The following NSD1 variants were observed in gnomAD, a reference collection of about 807,000 sequenced individuals.
The protein encoded by NSD1 is nuclear receptor binding SET domain protein 1, also known as histone-lysine N-methyltransferase, H3 lysine-36 specific.
In NSD1, 26 loss-of-function variants were observed where a neutral mutation model predicts 242.7. The ratio of observed to expected loss-of-function variants is 0.11; its 90% CI spans 0.08 to 0.15. The LOEUF is 0.15. Among genes scored for constraint, NSD1 ranks in the 10% least tolerant of loss-of-function variants. NSD1 has a pLI of 1.00. For missense variants in NSD1, 2,495 were observed against 3,272.8 expected (o/e 0.76, Z 5.80); for synonymous variants, 1,106 against 1,178.1 (o/e 0.94, Z 1.25).
At chr5:177,163,205 C>T (rs946324515) in intron 2 of NSD1, among the ~76,000 whole-genome samples, 3 of 148,876 alleles carry the variant, frequency 2.0e-5, no homozygotes, top group Non-Finnish European at 4.4e-5. Flanking sequence ...TGCAGTGGCA[C>T]GATCTCGGCT....
In NSD1 at chr5:177,139,030, A is replaced by G. The variant is rs1370263934; in HGVS notation, c.927+3000A>G. 2.1e-4 allele frequency among the ~76,000 whole-genome samples: 32 copies of G among 150,390 alleles called. 1 individual carries two copies. Among genetic ancestry groups the G allele is most frequent in the African/African-American group, 7.5e-4 (31 of 41,246 alleles). ...TTTGGGAGGCTGAGGCGGGTGGATCACCTGAGATGAGGATTTCAAGACCAG... is the reference window on the plus strand; with the variant it reads ...TTTGGGAGGCTGAGGCGGGTGGATCGCCTGAGATGAGGATTTCAAGACCAG... On this transcript the variant is annotated intron_variant, in intron 2 of 22. Transcript: ENST00000439151.
At position 177,136,158 on chromosome 5, in the gene NSD1, A is replaced by C. The variant is rs550741685; in HGVS notation, c.927+128A>C. ...CACAGCTGAAATCCTATTGCTAATC[A>C]TAAGCTTTGGGCAAAATTTTACTTT... On this transcript the variant is annotated intron_variant, in intron 2 of 22. Coordinates refer to ENST00000439151, the MANE Select transcript of NSD1 (RefSeq NM_022455.5). 4.9e-6 allele frequency: 4 copies of C among 824,164 alleles called. No individual in the cohort carries two copies. In the African/African-American group the frequency reaches 6.8e-5, roughly 14 times the overall value. The allele number at this position is 824,164 out of a possible 1,614,324, so 51.1% of individuals were successfully genotyped here.
intron 17 of NSD1, among the ~76,000 whole-genome samples, chr5:177,278,336 C>T (rs1758568720): frequency 6.6e-6 from 1 of 152,296 alleles, no homozygotes; most frequent in Non-Finnish European, 1.5e-5. Flanking sequence ...TCTTGAACTT[C>T]TGGGCTCAAA....
chr5:177,147,255 GCCACCATGCC>G, intron 2 of NSD1, among the ~76,000 whole-genome samples: 1 of 152,098 alleles, frequency 6.6e-6, no homozygotes, highest in South Asian at 2.1e-4. Context: ...ACAGGCACTT[GCCACCATGCC>G]CCACTAATTT....
rs1430663492 is a variant in NSD1 at position 177,298,853 on chromosome 5, G to A, written c.*3394G>A. On this transcript the variant is annotated 3_prime_UTR_variant, in exon 23 of 23. Coordinates refer to ENST00000439151, the MANE Select transcript of NSD1 (RefSeq NM_022455.5). Reference sequence around the variant, plus strand: ...GAAACTTGGATAGGTTTTACCCTTAGTCCCTATAAGGTGGATTTTACTAAG... The same window carrying A: ...GAAACTTGGATAGGTTTTACCCTTAATCCCTATAAGGTGGATTTTACTAAG... The A allele has an allele frequency of 4.3e-6, 1 of 233,084 alleles. No individual in the cohort carries two copies. Among genetic ancestry groups the A allele is most frequent in the Non-Finnish European group, 8.5e-6 (1 of 118,002 alleles). The allele number at this position is 233,084 out of a possible 1,614,324, so 14.4% of individuals were successfully genotyped here.
chr5:177,252,545 T>TTTG (rs1756070957), intron 12 of NSD1, among the ~76,000 whole-genome samples: 2 of 122,428 alleles, frequency 1.6e-5, no homozygotes, highest in African/African-American at 6.7e-5. Flanking sequence ...TGTTCTTTTT[T>TTTG]TTTTTTTTTT....
chr5:177,184,458 A>G (rs1410234263), intron 2 of NSD1, among the ~76,000 whole-genome samples: 2 of 151,706 alleles, frequency 1.3e-5, no homozygotes, highest in African/African-American at 4.8e-5. Context: ...TTTTAGGAAA[A>G]CTTTAATTTG....
chr5:177,279,643 C>T lies in NSD1; in HGVS notation c.5623-922C>T, dbSNP rs1362091179. On this transcript the variant is annotated intron_variant, in intron 17 of 22. Coordinates refer to ENST00000439151, the MANE Select transcript of NSD1 (RefSeq NM_022455.5). ...TTTTTTTTTTTTTTTTTTTTTGAGA[C>T]GGAGTCTCGCCCTGTCACCCAGGCT... 8.6e-5 allele frequency among the ~76,000 whole-genome samples: 6 copies of T among 69,924 alleles called. No individual in the cohort carries two copies. In the Admixed American group the frequency reaches 1.2e-3, roughly 14 times the overall value. The allele number at this position is 69,924 out of a possible 152,430, so 45.9% of individuals were successfully genotyped here.
intron 5 of NSD1, among the ~76,000 whole-genome samples, chr5:177,226,609 C>T (rs1764651726): frequency 6.6e-6 from 1 of 152,152 alleles, no homozygotes; most frequent in African/African-American, 2.4e-5. Flanking sequence ...CGTGTACTAC[C>T]ATGCCCAGCT....
In NSD1 at chr5:177,235,879, A is replaced by G. The variant is rs769168828; in HGVS notation, c.3855A>G (p.Thr1285=). The change falls in exon 6 of 23, where the codon ACA becomes ACG. Residue 1285 remains threonine (T), a synonymous_variant. Coordinates refer to ENST00000439151, the MANE Select transcript of NSD1 (RefSeq NM_022455.5). ...CAAGCAAGTGGCTTTTGGAATATACAGAAGAATATGATCAGATATTTGCTC... is the reference window on the plus strand; with the variant it reads ...CAAGCAAGTGGCTTTTGGAATATACGGAAGAATATGATCAGATATTTGCTC... The part of the protein sequence containing the change: ...RKPSKWLLEY[T]EEYDQIFAPK... 1 of 1,614,034 alleles carries G rather than the reference A, an allele frequency of 6.2e-7. No homozygotes were observed. The highest frequency in any genetic ancestry group is 8.5e-7 in the Non-Finnish European group (1 of 1,179,904).
chr5:177,158,289 CTTTCTTTCTTTCT>C (rs1457155775), intron 2 of NSD1, among the ~76,000 whole-genome samples: 282 of 94,526 alleles, frequency 3.0e-3, no homozygotes, highest in South Asian at 0.014. Flanking sequence ...TTCTTTCTTT[CTTTCTTTCTTTCT>C]TTTCTTTCTT....
intron 2 of NSD1, among the ~76,000 whole-genome samples, chr5:177,158,293 C>CTTTTCTTTCT (rs59738936): frequency 0.013 from 1,026 of 77,556 alleles, 9 homozygotes; most frequent in Non-Finnish European, 0.019. Flanking sequence ...TTCTTTCTTT[C>CTTTTCTTTCT]TTTCTTTCTT....
intron 2 of NSD1, among the ~76,000 whole-genome samples, chr5:177,162,190 C>T (rs1051963443): frequency 5.9e-5 from 9 of 151,282 alleles, no homozygotes; most frequent in African/African-American, 2.2e-4. Context: ...CCCAGCTACT[C>T]GGGAGGCTGA....
At chr5:177,142,912 C>T (rs1236314679) in intron 2 of NSD1, among the ~76,000 whole-genome samples, 2 of 152,144 alleles carry the variant, frequency 1.3e-5, no homozygotes, top group Non-Finnish European at 1.5e-5. Flanking sequence ...ATGCTAGAGC[C>T]TTGTGTACCC....
intron 2 of NSD1, among the ~76,000 whole-genome samples, chr5:177,150,539 T>A (rs534893010): frequency 2.7e-5 from 4 of 146,696 alleles, no homozygotes; most frequent in Non-Finnish European, 6.2e-5. Context: ...ATTTTAGTGT[T>A]TTTTGCTGTT....
intron 2 of NSD1, among the ~76,000 whole-genome samples, chr5:177,177,802 G>T (rs979747976): frequency 6.6e-6 from 1 of 152,142 alleles, no homozygotes; most frequent in African/African-American, 2.4e-5. Flanking sequence ...GCCTTTTAAA[G>T]AAATCTTTAT....
rs750748170 is a variant in NSD1, at chr5:177,210,355, A to G, written c.1956A>G (p.Ile652Met). The change falls in exon 5 of 23, where the codon ATA becomes ATG. Residue 652 changes from isoleucine to methionine, a missense_variant. Transcript: ENST00000439151. ...ATGGAAGCAGTGACCTGGATCCCAT[A>G]GAACACAGCTCAGAGTCTGATAACA... ...SDDGSSDLDP[I>M]EHSSESDNSV... 17 of 1,614,064 alleles carry G rather than the reference A, an allele frequency of 1.1e-5. No individual in the cohort carries two copies. Among genetic ancestry groups the G allele is most frequent in the Non-Finnish European group, 1.4e-5 (17 of 1,180,034 alleles).
chr5:177,234,378 G>A (rs1207514413), intron 5 of NSD1, among the ~76,000 whole-genome samples: 1 of 152,164 alleles, frequency 6.6e-6, no homozygotes, highest in Admixed American at 6.5e-5. Flanking sequence ...GACCAGAGCA[G>A]TGTTCATTCA....
intron 4 of NSD1, among the ~76,000 whole-genome samples, chr5:177,206,839 G>T (rs1762903544): frequency 6.8e-6 from 1 of 147,144 alleles, no homozygotes. Context: ...AGCATTAGTG[G>T]ATATGTGTTT....
Sources: allele counts gnomAD v4.1 joint callset (sites outside exome capture counted in the v4.1 genomes callset), GRCh38; gene constraint gnomAD v4.1.1; transcripts MANE v1.5; gene names NCBI Gene and HGNC (gene_info 2026-07-23, HGNC 2026-07-21).